STAC: variants seen among roughly 807,000 people sequenced by gnomAD.
STAC encodes SH3 and cysteine rich domain, also known as SH3 and cysteine-rich domain-containing protein.
Under a neutral mutation model 48.8 loss-of-function variants are expected in STAC, and 43 were observed. The observed-to-expected ratio is 0.88, with a 90% CI of 0.69 to 1.14. STAC has a LOEUF of 1.14. Among genes scored for constraint, STAC ranks in the 50% most tolerant of loss-of-function variants. STAC has a pLI of 0.00. For synonymous variants in STAC, 193 were observed against 179.5 expected, an observed-to-expected ratio of 1.07 and a Z score of -0.60; for missense variants, 497 against 504.0, an observed-to-expected ratio of 0.99 and a Z score of 0.13.
intron 8 of STAC, among the ~76,000 whole-genome samples, chr3:36,516,320 G>C (rs1324454715): frequency 3.3e-5 from 5 of 151,844 alleles, no homozygotes; most frequent in Admixed American, 2.0e-4. Context: ...TTAGAGTCCT[G>C]AGATTTTATT....
chr3:36,455,118 G>A (rs1696814582), intron 2 of STAC, among the ~76,000 whole-genome samples: 1 of 152,152 alleles, frequency 6.6e-6, no homozygotes, highest in Non-Finnish European at 1.5e-5. Context: ...TATATTTTTA[G>A]TCATTCCCTA....
rs1698705385 is a variant in STAC, at chr3:36,517,669, AAATT to A, written c.921-11015_921-11012del. ...ACCCTATCTATCTATCTATCTATCT[AAATT>A]AATTAATTAATGAAAATAGAATACA... On this transcript the variant is annotated intron_variant, in intron 8 of 10. Transcript: ENST00000273183. 3.3e-5 allele frequency among the ~76,000 whole-genome samples: 5 copies of A among 151,402 alleles called. No homozygotes were observed. In the South Asian group the frequency reaches 1.0e-3, roughly 32 times the overall value.
At chr3:36,530,575 CTTTTCTTTTTTTT>C (rs1277847876) in intron 10 of STAC, among the ~76,000 whole-genome samples, 5 of 129,896 alleles carry the variant, frequency 3.8e-5, no homozygotes, top group South Asian at 2.7e-4. Flanking sequence ...AATAATTCAC[CTTTTCTTTTTTTT>C]TTTTCTTTTT....
At chr3:36,459,834 A>G (rs899987077) in intron 2 of STAC, among the ~76,000 whole-genome samples, 1 of 152,194 alleles carries the variant, frequency 6.6e-6, no homozygotes, top group African/African-American at 2.4e-5. Context: ...CAGAAATGCA[A>G]TGTCAGGTAT....
chr3:36,455,168 CAT>C (rs1296452967), intron 2 of STAC, among the ~76,000 whole-genome samples: 1 of 152,172 alleles, frequency 6.6e-6, no homozygotes, highest in Non-Finnish European at 1.5e-5. Context: ...TATCACAGCA[CAT>C]ATATTCTGAA....
intron 2 of STAC, among the ~76,000 whole-genome samples, chr3:36,451,198 G>A (rs938965330): frequency 2.6e-5 from 4 of 151,906 alleles, no homozygotes; most frequent in South Asian, 4.2e-4. Context: ...CTCATCTTTC[G>A]GCAGATATAT....
intron 1 of STAC, among the ~76,000 whole-genome samples, chr3:36,431,876 C>T (rs1329537009): frequency 6.6e-6 from 1 of 152,162 alleles, no homozygotes; most frequent in Non-Finnish European, 1.5e-5. Context: ...CATCTGCAAA[C>T]TTCACTTCCT....
intron 1 of STAC, among the ~76,000 whole-genome samples, chr3:36,387,564 C>A (rs1304783119): frequency 6.6e-6 from 1 of 152,014 alleles, no homozygotes; most frequent in Non-Finnish European, 1.5e-5. Flanking sequence ...TCCGGGTTTA[C>A]CATATAAGAG....
At chr3:36,529,550 C>T (rs1310742198) in intron 10 of STAC, among the ~76,000 whole-genome samples, 1 of 152,136 alleles carries the variant, frequency 6.6e-6, no homozygotes, top group African/African-American at 2.4e-5. Context: ...CACCATCTTG[C>T]TCCAGGGCCA....
At chr3:36,491,075 T>C (rs192729700) in intron 5 of STAC, among the ~76,000 whole-genome samples, 3 of 152,282 alleles carry the variant, frequency 2.0e-5, no homozygotes, top group Admixed American at 2.0e-4. Context: ...AGGAAGAAAA[T>C]AGAAACATTG....
rs59589769 is a variant in STAC at position 36,390,451 on chromosome 3, C to CTTTTTTTTTTTTTT, written c.111+9705_111+9718dup. Among the ~76,000 whole-genome samples, 89 of 80,842 alleles carry CTTTTTTTTTTTTTT rather than the reference C, an allele frequency of 1.1e-3. 3 individuals are homozygous for CTTTTTTTTTTTTTT. Among genetic ancestry groups the CTTTTTTTTTTTTTT allele is most frequent in the East Asian group, 2.5e-3 (6 of 2,442 alleles). 53.0% of individuals were successfully genotyped at this position (80,842 alleles called of 152,430 possible). ...GAAGTAATCATGTGATTTTTCTTTT[C>CTTTTTTTTTTTTTT]TTTTTTTTTTTTTTTTTTTTTGTCC... On this transcript the variant is annotated intron_variant, in intron 1 of 10. Transcript: ENST00000273183.
intron 6 of STAC, among the ~76,000 whole-genome samples, chr3:36,501,886 T>C (rs1020160873): frequency 2.6e-5 from 4 of 152,186 alleles, no homozygotes; most frequent in Admixed American, 2.0e-4. Context: ...AGTCTTTCTC[T>C]TGAATACAGA....
At chr3:36,488,926 A>C (rs7645818) in intron 5 of STAC, among the ~76,000 whole-genome samples, 68,682 of 151,842 alleles carry the variant, frequency 0.45, 16,176 homozygotes, top group East Asian at 0.61. Flanking sequence ...TAGGCATGGG[A>C]TATGAGTCCT....
intron 2 of STAC, among the ~76,000 whole-genome samples, chr3:36,465,541 A>G (rs951408571): frequency 1.2e-4 from 19 of 152,104 alleles, no homozygotes; most frequent in Non-Finnish European, 2.2e-4. Flanking sequence ...GCCTAAGCCA[A>G]TATCTAGAAG....
At chr3:36,395,022 T>C (rs1229866388) in intron 1 of STAC, among the ~76,000 whole-genome samples, 3 of 99,806 alleles carry the variant, frequency 3.0e-5, no homozygotes, top group East Asian at 4.7e-4. Flanking sequence ...TCAAAAGATA[T>C]ATAGATATAT....
intron 1 of STAC, among the ~76,000 whole-genome samples, chr3:36,432,153 AC>A (rs2125654246): frequency 6.6e-6 from 1 of 152,306 alleles, no homozygotes; most frequent in African/African-American, 2.4e-5. Flanking sequence ...AGTGCCAGAC[AC>A]CTTGCCAGAT....
rs540924920 is a variant in STAC at position 36,431,574 on chromosome 3, G to T, written c.112-11790G>T. Among the ~76,000 whole-genome samples the T allele has an allele frequency of 2.4e-4, 36 of 152,296 alleles. No individual in the cohort carries two copies. The South Asian group carries it at 7.2e-3, about 31-fold the overall frequency. On this transcript the variant is annotated intron_variant, in intron 1 of 10. Transcript: ENST00000273183. ...TGCCATACAATCCATTATAATGCAG[G>T]TGCTAACTCTCTGAACTCACTTCTT...
At chr3:36,456,097 T>A (rs1696848932) in intron 2 of STAC, among the ~76,000 whole-genome samples, 1 of 151,694 alleles carries the variant, frequency 6.6e-6, no homozygotes, top group Non-Finnish European at 1.5e-5. Flanking sequence ...CTGCCTCCAG[T>A]CAGGGAAGTA....
chr3:36,534,973 T>C (rs1313339964), intron 10 of STAC, among the ~76,000 whole-genome samples: 1 of 152,202 alleles, frequency 6.6e-6, no homozygotes, highest in Non-Finnish European at 1.5e-5. Context: ...CATTTTTAAA[T>C]TTTAAAATGT....
Sources: allele counts gnomAD v4.1 joint callset (sites outside exome capture counted in the v4.1 genomes callset), GRCh38; gene constraint gnomAD v4.1.1; transcripts MANE v1.5; gene names NCBI Gene and HGNC (gene_info 2026-07-23, HGNC 2026-07-21).